SORCS3: variants seen among roughly 807,000 people sequenced by gnomAD.
SORCS3 encodes the protein VPS10 domain-containing receptor SorCS3.
A neutral mutation model predicts 146.3 loss-of-function variants in SORCS3; 57 were observed. The observed-to-expected ratio is 0.39, with a 90% confidence interval of 0.31 to 0.49. The LOEUF is 0.49. SORCS3 is among the 20% of genes least tolerant of loss of function. The probability of loss-of-function intolerance (pLI) is 0.92; values close to 1 mark genes in which losing one functional copy is unlikely to be tolerated. For synonymous variants in SORCS3, 653 were observed against 618.5 expected (o/e 1.06, Z -0.83); for missense variants, 1,341 against 1,575.5 (o/e 0.85, Z 2.52).
intron 1 of SORCS3, among the ~76,000 whole-genome samples, chr10:104,712,973 G>T (rs2016435853): frequency 6.6e-6 from 1 of 152,164 alleles, no homozygotes; most frequent in Non-Finnish European, 1.5e-5. Context: ...TATGGTATGT[G>T]CTATGGGTGG....
At chr10:105,162,498 G>T (rs1189370450) in intron 11 of SORCS3, among the ~76,000 whole-genome samples, 1 of 152,108 alleles carries the variant, frequency 6.6e-6, no homozygotes, top group Non-Finnish European at 1.5e-5. Flanking sequence ...ATCACCCACA[G>T]AGCCACCTAA....
At chr10:104,873,018 G>T (rs190973046) in intron 2 of SORCS3, among the ~76,000 whole-genome samples, 1 of 152,302 alleles carries the variant, frequency 6.6e-6, no homozygotes, top group East Asian at 1.9e-4. Context: ...ACACATTTGA[G>T]TAAGCTCCCA....
intron 19 of SORCS3, 104 bp from the exon 20 acceptor site, chr10:105,223,012 T>C: frequency 7.9e-7 from 1 of 1,263,120 alleles, no homozygotes; most frequent in South Asian, 1.8e-5. Context: ...CCTTCCTTTT[T>C]TACAGGAGAT....
At chr10:104,703,827 T>C (rs1589464791) in intron 1 of SORCS3, among the ~76,000 whole-genome samples, 2 of 151,598 alleles carry the variant, frequency 1.3e-5, no homozygotes, top group South Asian at 4.2e-4. Flanking sequence ...TCCATCAGGG[T>C]TCCAAACCTG....
intron 4 of SORCS3, among the ~76,000 whole-genome samples, chr10:105,010,638 C>T (rs897614087): frequency 1.3e-5 from 2 of 152,130 alleles, no homozygotes; most frequent in African/African-American, 4.8e-5. Flanking sequence ...CCAGTGCACA[C>T]AGACACACAC....
intron 1 of SORCS3, among the ~76,000 whole-genome samples, chr10:104,656,844 A>T (rs1589448742): frequency 6.6e-6 from 1 of 152,172 alleles, no homozygotes; most frequent in African/African-American, 2.4e-5. Context: ...GATGGCTTGG[A>T]TGGTGGTAGT....
At chr10:104,759,383 C>A (rs2017094167) in intron 1 of SORCS3, among the ~76,000 whole-genome samples, 1 of 152,154 alleles carries the variant, frequency 6.6e-6, no homozygotes, top group African/African-American at 2.4e-5. Context: ...TTAGCAAACT[C>A]ATACACAGAG....
Position 104,641,967 on chromosome 10 carries a change from C to A in SORCS3, c.627+13C>A, listed in dbSNP as rs555520607. On this transcript the variant is annotated intron_variant, in intron 1 of 26. Coordinates refer to ENST00000369701, the MANE Select transcript of SORCS3 (RefSeq NM_014978.3). This position sits in a 1 kb window ranked among gnomAD's most constrained non-coding sequence, Gnocchi z 6.4. ...ACACAACAGCAGCGTGAGTACCCAC[C>A]CGGCGGCGGGTCCGCCTGTTTCCTG... The A allele has an allele frequency of 1.5e-5, 19 of 1,303,482 alleles. No individual in the cohort carries two copies. In the African/African-American group the frequency reaches 2.8e-4, roughly 19 times the overall value. The allele number at this position is 1,303,482 out of a possible 1,614,324, so 80.7% of individuals were successfully genotyped here.
At chr10:104,815,563 C>G (rs1457857785) in intron 1 of SORCS3, among the ~76,000 whole-genome samples, 1 of 151,736 alleles carries the variant, frequency 6.6e-6, no homozygotes, top group African/African-American at 2.4e-5. Context: ...CACCACACTC[C>G]TAATTATTCA....
At chr10:104,899,767 A>C (rs1198275436) in intron 2 of SORCS3, among the ~76,000 whole-genome samples, 1 of 152,186 alleles carries the variant, frequency 6.6e-6, no homozygotes, top group Non-Finnish European at 1.5e-5. Context: ...CATCATCCTA[A>C]TGCTAAGATA....
intron 1 of SORCS3, among the ~76,000 whole-genome samples, chr10:104,805,601 A>G (rs1376530224): frequency 6.6e-6 from 1 of 152,114 alleles, no homozygotes; most frequent in Non-Finnish European, 1.5e-5. Context: ...GTGGTGTGTG[A>G]TAGAATTTGA....
intron 6 of SORCS3, among the ~76,000 whole-genome samples, chr10:105,096,691 C>A (rs2055748997): frequency 6.6e-6 from 1 of 152,044 alleles, no homozygotes; most frequent in Admixed American, 6.6e-5. Context: ...TTTCCACCAT[C>A]CAAAGGGATG....
chr10:104,691,746 C>CT (rs1272148281), intron 1 of SORCS3, among the ~76,000 whole-genome samples: 1 of 151,786 alleles, frequency 6.6e-6, no homozygotes, highest in Non-Finnish European at 1.5e-5. Flanking sequence ...TTCCTTTTTT[C>CT]TTTTTGTTTT....
At chr10:104,739,613 G>C (rs939050455) in intron 1 of SORCS3, among the ~76,000 whole-genome samples, 3 of 152,160 alleles carry the variant, frequency 2.0e-5, no homozygotes, top group African/African-American at 7.2e-5. Flanking sequence ...CCTGCAACAG[G>C]GGGAGGTCAA....
intron 1 of SORCS3, among the ~76,000 whole-genome samples, chr10:104,763,268 GAAAACTAAA>G (rs1434451372): frequency 6.6e-6 from 1 of 152,064 alleles, no homozygotes; most frequent in Non-Finnish European, 1.5e-5. Flanking sequence ...GAATACTTAT[GAAAACTAAA>G]GACAGTTATA....
intron 2 of SORCS3, among the ~76,000 whole-genome samples, chr10:104,864,301 T>A (rs1451913293): frequency 6.6e-6 from 1 of 152,082 alleles, no homozygotes. Context: ...AGGGGAGAGC[T>A]TAGTGTTATT....
intron 4 of SORCS3, among the ~76,000 whole-genome samples, chr10:105,012,059 G>C (rs1030405427): frequency 3.3e-5 from 5 of 152,156 alleles, no homozygotes; most frequent in African/African-American, 9.7e-5. Flanking sequence ...ACATTTGAGA[G>C]AGCATAAGTT....
At chr10:104,988,279 C>T (rs2054973883) in intron 4 of SORCS3, among the ~76,000 whole-genome samples, 2 of 152,116 alleles carry the variant, frequency 1.3e-5, no homozygotes, top group East Asian at 1.9e-4. Flanking sequence ...GCCACTTTTA[C>T]GCTGAACCCC....
intron 1 of SORCS3, among the ~76,000 whole-genome samples, chr10:104,830,798 A>T (rs909016430): frequency 1.3e-5 from 2 of 152,022 alleles, no homozygotes; most frequent in Non-Finnish European, 2.9e-5. Flanking sequence ...GATTCTGCCT[A>T]ATATAATGCA....
Sources: allele counts gnomAD v4.1 joint callset (sites outside exome capture counted in the v4.1 genomes callset), GRCh38; gene constraint gnomAD v4.1.1; non-coding constraint Gnocchi (gnomAD v3.1); transcripts MANE v1.5; gene names NCBI Gene and HGNC (gene_info 2026-07-23, HGNC 2026-07-21).